P2RX3: variants seen among roughly 807,000 people sequenced by gnomAD.
P2RX3 encodes purinergic receptor P2X 3, also known as P2X purinoceptor 3.
A neutral mutation model predicts 51.5 loss-of-function variants in P2RX3; 41 were observed. The observed-to-expected ratio is 0.80, with a 90% confidence interval of 0.62 to 1.03. P2RX3 has a LOEUF of 1.03. P2RX3 is among the 50% of genes least tolerant of loss of function. P2RX3 has a pLI of 0.00. For missense variants in P2RX3, 459 were observed against 522.1 expected (o/e 0.88, Z 1.18); for synonymous variants, 185 against 191.6 (o/e 0.97, Z 0.29).
At chr11:57,341,842 C>A (rs1309527237) in intron 1 of P2RX3, among the ~76,000 whole-genome samples, 3 of 152,156 alleles carry the variant, frequency 2.0e-5, no homozygotes, top group Non-Finnish European at 4.4e-5. Flanking sequence ...CACAGCCCTG[C>A]CCTACCTGCC....
intron 9 of P2RX3, 59 bp downstream of exon 9, chr11:57,368,161 G>C (rs552116616): frequency 6.4e-7 from 1 of 1,554,802 alleles, no homozygotes; most frequent in Non-Finnish European, 8.9e-7. Context: ...ACCACCTCTC[G>C]GGTTCTGAAA....
chr11:57,336,226 T>A (rs566418835), upstream of P2RX3, among the ~76,000 whole-genome samples: 5 of 152,136 alleles, frequency 3.3e-5, no homozygotes, highest in African/African-American at 9.7e-5. Flanking sequence ...AGAGAAGTAT[T>A]TGAACAGTTG....
chr11:57,353,082 C>T (rs183788028), intron 8 of P2RX3, among the ~76,000 whole-genome samples: 1 of 152,350 alleles, frequency 6.6e-6, no homozygotes, highest in Admixed American at 6.5e-5. Context: ...CCTCAAACTA[C>T]TGGCACCCAA....
intron 8 of P2RX3, among the ~76,000 whole-genome samples, chr11:57,351,964 C>T (rs1054381608): frequency 6.6e-6 from 1 of 152,114 alleles, no homozygotes; most frequent in Admixed American, 6.5e-5. Context: ...TCTGGCAGGG[C>T]CCTGTTTAAG....
intron 8 of P2RX3, among the ~76,000 whole-genome samples, chr11:57,367,556 A>G (rs909863058): frequency 1.3e-5 from 2 of 152,174 alleles, no homozygotes; most frequent in Non-Finnish European, 2.9e-5. Flanking sequence ...CCCTGTCTCT[A>G]CTAAAAATAC....
intron 7 of P2RX3, 57 bp from the exon 8 acceptor site, chr11:57,350,704 GC>G: frequency 6.3e-7 from 1 of 1,599,544 alleles, no homozygotes; most frequent in Non-Finnish European, 8.5e-7. Flanking sequence ...CCCCACCCTG[GC>G]CCAGAGCAGG....
chr11:57,369,940 C>A lies in P2RX3; in HGVS notation c.1137C>A (p.Asp379Glu), dbSNP rs1157554797. The change falls in exon 12 of 12, where the codon GAC (aspartate) becomes GAA (glutamate). Residue 379 changes from aspartate to glutamate, a missense_variant. Coordinates refer to ENST00000263314, the MANE Select transcript of P2RX3 (RefSeq NM_002559.5). Reference sequence around the variant, plus strand: ...TGACCAACCCAGTGTACCCCAGCGACCAGACCACAGCGGAGAAGCAGTCCA... The same window carrying A: ...TGACCAACCCAGTGTACCCCAGCGAACAGACCACAGCGGAGAAGCAGTCCA... ...AALTNPVYPSDQTTAEKQSTD... is the reference protein window; with the variant it reads ...AALTNPVYPSEQTTAEKQSTD... 2.5e-6 allele frequency: 4 copies of A among 1,613,994 alleles called. No individual in the cohort carries two copies. The Admixed American group carries it at 5.0e-5, about 20-fold the overall frequency.
chr11:57,342,799 A>G (rs1470350262), intron 1 of P2RX3, among the ~76,000 whole-genome samples: 2 of 145,832 alleles, frequency 1.4e-5, no homozygotes, highest in Non-Finnish European at 3.0e-5. Context: ...CCCAGCTCAC[A>G]CCTTCCTAAG....
At chr11:57,339,700 A>G (rs1161917787) in intron 1 of P2RX3, among the ~76,000 whole-genome samples, 2 of 152,202 alleles carry the variant, frequency 1.3e-5, no homozygotes, top group African/African-American at 4.8e-5. Flanking sequence ...GTTCTTTCAG[A>G]CAATGGGTCT....
At chr11:57,355,937 G>T (rs1453086963) in intron 8 of P2RX3, among the ~76,000 whole-genome samples, 3 of 152,228 alleles carry the variant, frequency 2.0e-5, no homozygotes, top group Admixed American at 6.5e-5. Context: ...GGCTGAGGCG[G>T]GAGGATCCCT....
At chr11:57,367,930 G>C (rs1856820391) in intron 8 of P2RX3, 79 bp from the exon 9 acceptor site, 2 of 1,131,986 alleles carry the variant, frequency 1.8e-6, no homozygotes, top group Admixed American at 3.6e-5. Context: ...CCAAGACACA[G>C]GGCTCTGGAG....
Position 57,371,863 on chromosome 11 carries a change from T to G in P2RX3, c.*1866T>G, listed in dbSNP as rs1011420526. Among the ~76,000 whole-genome samples, 1 of 152,184 alleles carries G rather than the reference T, an allele frequency of 6.6e-6. No individual in the cohort carries two copies. The highest frequency in any genetic ancestry group is 2.4e-5 in the African/African-American group (1 of 41,458). ...ACAGGGATTCTCTCTAATGGGGAGA[T>G]GGAGGCAGTGGTGTCCTGAAGGGAC... On this transcript the variant is annotated 3_prime_UTR_variant, in exon 12 of 12. Coordinates refer to ENST00000263314, the MANE Select transcript of P2RX3 (RefSeq NM_002559.5).
chr11:57,364,072 C>T (rs574483151), intron 8 of P2RX3, among the ~76,000 whole-genome samples: 1 of 152,300 alleles, frequency 6.6e-6, no homozygotes, highest in South Asian at 2.1e-4. Context: ...AAGTTGATGT[C>T]ACTGTCAGAG....
chr11:57,369,893 A>T lies in P2RX3; in HGVS notation c.1090A>T (p.Thr364Ser). The change falls in exon 12 of 12, where the codon ACT becomes TCT. Residue 364 changes from threonine (T) to serine (S), a missense_variant. By Grantham distance (58) the Thr-to-Ser change is moderately conservative. Coordinates refer to ENST00000263314, the MANE Select transcript of P2RX3 (RefSeq NM_002559.5). ...KAKKFEEVNE[T>S]TLKIAALTNP... ...GCTCTTTCGCCTGCAGGTGAATGAG[A>T]CTACGCTGAAAATCGCGGCTTTGAC... 5 of 1,611,644 alleles carry T rather than the reference A, an allele frequency of 3.1e-6. No individual in the cohort carries two copies. The highest frequency in any genetic ancestry group is 4.2e-6 in the Non-Finnish European group (5 of 1,177,912).
intron 8 of P2RX3, among the ~76,000 whole-genome samples, chr11:57,359,136 C>T (rs1291435593): frequency 2.6e-5 from 4 of 152,150 alleles, no homozygotes; most frequent in Admixed American, 6.5e-5. Flanking sequence ...GCCGCCCCCG[C>T]GGGAGGAATG....
intron 4 of P2RX3, 64 bp downstream of exon 4, chr11:57,347,542 C>A: frequency 6.6e-7 from 1 of 1,517,116 alleles, no homozygotes; most frequent in Non-Finnish European, 9.0e-7. Context: ...GGGGAGAGCC[C>A]GTCGTTGGAG....
In P2RX3 at chr11:57,346,640, CAG is replaced by C. The variant is rs1565063460; in HGVS notation, c.219_220del (p.Arg73SerfsTer6). On this transcript the variant is annotated frameshift_variant, in exon 2 of 12. Coordinates refer to ENST00000263314, the MANE Select transcript of P2RX3 (RefSeq NM_002559.5). LOFTEE classifies it high-confidence loss of function. The part of the protein sequence containing the change: ...KVKGSGLYAN[R>X]VMDVSDYVTP... Reference sequence around the variant, plus strand: ...TGAAGGGCTCCGGACTCTACGCCAACAGAGTCATGGATGTGTCTGATTACGTG... The same window carrying C: ...TGAAGGGCTCCGGACTCTACGCCAACAGTCATGGATGTGTCTGATTACGTG... 1 of 1,614,212 alleles carries C rather than the reference CAG, an allele frequency of 6.2e-7. No individual in the cohort carries two copies. Among genetic ancestry groups the C allele is most frequent in the African/African-American group, 1.3e-5 (1 of 75,066 alleles).
intron 10 of P2RX3, 89 bp downstream of exon 10, chr11:57,368,526 T>G: frequency 7.1e-7 from 1 of 1,408,866 alleles, no homozygotes; most frequent in Non-Finnish European, 1.0e-6. Context: ...GCGGCAAAAC[T>G]CTGCCTCTGC....
intron 8 of P2RX3, among the ~76,000 whole-genome samples, chr11:57,352,378 G>A (rs1407766813): frequency 6.6e-6 from 1 of 151,990 alleles, no homozygotes; most frequent in Non-Finnish European, 1.5e-5. Flanking sequence ...AATACTGTGC[G>A]GCTCACTGGC....
Sources: allele counts gnomAD v4.1 joint callset (sites outside exome capture counted in the v4.1 genomes callset), GRCh38; gene constraint gnomAD v4.1.1; transcripts MANE v1.5; gene names NCBI Gene and HGNC (gene_info 2026-07-23, HGNC 2026-07-21).